Variants in WDR59 observed in about 807,000 individuals in gnomAD.
WDR59 encodes the protein WD repeat domain 59, also known as GATOR2 complex protein WDR59.
Under a neutral mutation model 131.2 loss-of-function variants are expected in WDR59, and 100 were observed. The observed-to-expected ratio is 0.76, with a 90% CI of 0.65 to 0.90. WDR59 has a LOEUF of 0.90. WDR59 is among the 40% of genes least tolerant of loss of function. The pLI, the probability that WDR59 is intolerant of heterozygous loss-of-function variation, is 0.00. For synonymous variants in WDR59, 601 were observed against 466.2 expected (o/e 1.29, Z -3.72); for missense variants, 1,203 against 1,262.2 (o/e 0.95, Z 0.71).
rs1315932699 is a variant in WDR59 at position 74,973,561 on chromosome 16, AC to A, written c.55-7740del. On this transcript the variant is annotated intron_variant, in intron 1 of 25. Coordinates refer to ENST00000262144, the MANE Select transcript of WDR59 (RefSeq NM_030581.4). ...CCTGGCCTCTCAAAGTGCTAAGATTACAAGGCGTGAGCCACCATGCTTGGCC... is the reference window on the plus strand; with the variant it reads ...CCTGGCCTCTCAAAGTGCTAAGATTAAAGGCGTGAGCCACCATGCTTGGCC... Among the ~76,000 whole-genome samples the A allele has an allele frequency of 4.0e-5, 4 of 99,680 alleles. No individual in the cohort carries two copies. The East Asian group carries it at 1.9e-3, about 48-fold the overall frequency. 65.4% of individuals were successfully genotyped at this position (99,680 alleles called of 152,430 possible).
intron 1 of WDR59, among the ~76,000 whole-genome samples, chr16:74,974,755 G>T (rs117366998): frequency 6.6e-6 from 1 of 152,134 alleles, no homozygotes; most frequent in Non-Finnish European, 1.5e-5. Flanking sequence ...GCCCTAAATA[G>T]AAATTGTGGG....
At chr16:74,983,810 T>C (rs977842831) in intron 1 of WDR59, among the ~76,000 whole-genome samples, 1 of 151,634 alleles carries the variant, frequency 6.6e-6, no homozygotes, top group Non-Finnish European at 1.5e-5. Context: ...ACCCCGTCTC[T>C]ACAAAAAAAA....
chr16:74,949,193 T>C (rs2032835808), intron 5 of WDR59, among the ~76,000 whole-genome samples: 1 of 150,970 alleles, frequency 6.6e-6, no homozygotes, highest in Non-Finnish European at 1.5e-5. Flanking sequence ...TAGCTGGGCA[T>C]GGTGGCAAGT....
At chr16:74,955,944 C>A (rs1022514972) in intron 3 of WDR59, among the ~76,000 whole-genome samples, 3 of 151,914 alleles carry the variant, frequency 2.0e-5, no homozygotes, top group Non-Finnish European at 4.4e-5. Context: ...AAAACTTATA[C>A]ATGTTTTCCC....
At chr16:74,877,080 T>G (rs550610275) in intron 25 of WDR59, among the ~76,000 whole-genome samples, 2 of 152,256 alleles carry the variant, frequency 1.3e-5, no homozygotes, top group South Asian at 4.1e-4. Flanking sequence ...GTATTCAAGA[T>G]AATTGATGTG....
chr16:74,894,458 A>G (rs1052013494), intron 18 of WDR59, among the ~76,000 whole-genome samples: 1 of 152,160 alleles, frequency 6.6e-6, no homozygotes, highest in Non-Finnish European at 1.5e-5. Flanking sequence ...AGGCTTACCT[A>G]TGGGTGGCTA....
chr16:74,913,803 T>C (rs1345813848), intron 13 of WDR59, among the ~76,000 whole-genome samples: 5 of 152,184 alleles, frequency 3.3e-5, no homozygotes, highest in East Asian at 1.9e-4. Context: ...TGACTGCTCA[T>C]GGGTATGGGG....
intron 10 of WDR59, among the ~76,000 whole-genome samples, chr16:74,920,147 G>A (rs1436209489): frequency 6.6e-6 from 1 of 151,750 alleles, no homozygotes; most frequent in East Asian, 1.9e-4. Flanking sequence ...TGAGAAAGAA[G>A]TAAAATACAG....
intron 8 of WDR59, among the ~76,000 whole-genome samples, chr16:74,934,960 G>A (rs898669255): frequency 6.6e-6 from 1 of 152,142 alleles, no homozygotes; most frequent in African/African-American, 2.4e-5. Context: ...CGGGCATGGT[G>A]GCTCATGCCT....
chr16:74,966,069 T>C (rs2033763659), intron 1 of WDR59, among the ~76,000 whole-genome samples: 1 of 152,070 alleles, frequency 6.6e-6, no homozygotes, highest in Non-Finnish European at 1.5e-5. Flanking sequence ...CAACTCCTGG[T>C]CTCAAGTGAT....
At position 74,877,520 on chromosome 16, in the gene WDR59, T is replaced by C. The variant is rs139132234; in HGVS notation, c.2690-3076A>G. The stretch of plus-strand genomic sequence containing the variant: ...TCTAGGGTTCTTAATTATTTACTGC[T>C]CTGTTTATTTATTGATTGATTGATT... On this transcript the variant is annotated intron_variant, in intron 25 of 25. Transcript: ENST00000262144. 9.9e-3 allele frequency among the ~76,000 whole-genome samples: 1,505 copies of C among 152,184 alleles called. 35 individuals carry two copies. Among genetic ancestry groups the C allele is most frequent in the African/African-American group, 0.034 (1,409 of 41,444 alleles).
intron 1 of WDR59, among the ~76,000 whole-genome samples, chr16:74,972,301 T>C (rs2034013881): frequency 6.6e-6 from 1 of 152,176 alleles, no homozygotes; most frequent in Non-Finnish European, 1.5e-5. Flanking sequence ...ATGAAGGAAA[T>C]CAATTCCATG....
At chr16:74,970,888 T>A (rs11640480) in intron 1 of WDR59, among the ~76,000 whole-genome samples, 11,574 of 143,826 alleles carry the variant, frequency 0.08, 572 homozygotes, top group Middle Eastern at 0.17. Context: ...CCACACCTTT[T>A]AAAAAAAAAA....
rs530849613 is a variant in WDR59 at position 74,874,502 on chromosome 16, G to C, written c.2690-58C>G. 9 of 1,478,834 alleles carry C rather than the reference G, an allele frequency of 6.1e-6. No individual in the cohort carries two copies. The Admixed American group carries it at 1.5e-4, about 24-fold the overall frequency. The allele number at this position is 1,478,834 out of a possible 1,614,324, so 91.6% of individuals were successfully genotyped here. On this transcript the variant is annotated intron_variant, in intron 25 of 25. Transcript: ENST00000262144. The stretch of plus-strand genomic sequence containing the variant: ...GCAGCATGAGTTTAGTTCTGAAAAA[G>C]GAAACTGGGGCTTGCCAGGAAGAAG...
chr16:74,973,962 G>A (rs2034086556), intron 1 of WDR59, among the ~76,000 whole-genome samples: 1 of 152,106 alleles, frequency 6.6e-6, no homozygotes, highest in South Asian at 2.1e-4. Context: ...CTGAGGTCAA[G>A]AGTTCGAGAC....
rs144326577 is a variant in WDR59, at chr16:74,912,011, G to C, written c.1389+187C>G. Reference sequence around the variant, plus strand: ...AAGTCTATGACCCAAAAAAGGTTAAGAACCACTGCTCTGATGTTTTCTGCA... The same window carrying C: ...AAGTCTATGACCCAAAAAAGGTTAACAACCACTGCTCTGATGTTTTCTGCA... On this transcript the variant is annotated intron_variant, in intron 14 of 25. Coordinates refer to ENST00000262144, the MANE Select transcript of WDR59 (RefSeq NM_030581.4). The C allele has an allele frequency of 3.4e-4, 244 of 709,298 alleles. 1 individual carries two copies. The African/African-American group carries it at 4.1e-3, about 12-fold the overall frequency. 43.9% of individuals were successfully genotyped at this position (709,298 alleles called of 1,614,324 possible).
At position 74,886,443 on chromosome 16, in the gene WDR59, T is replaced by C. The variant is rs201885216; in HGVS notation, c.2420-47A>G. On this transcript the variant is annotated intron_variant, in intron 23 of 25. Transcript: ENST00000262144. ...GGGAAGATGGCAATCAGAGAAGGCA[T>C]GGAAAATATCTGAAGAGTCTCATAA... 65 of 1,601,880 alleles carry C rather than the reference T, an allele frequency of 4.1e-5. No individual in the cohort carries two copies. The East Asian group carries it at 1.3e-3, about 31-fold the overall frequency.
intron 1 of WDR59, among the ~76,000 whole-genome samples, chr16:74,977,076 A>G (rs1363969943): frequency 1.3e-5 from 2 of 152,100 alleles, no homozygotes; most frequent in African/African-American, 4.8e-5. Context: ...CTGTTCATCA[A>G]AAGACAGCAC....
intron 3 of WDR59, among the ~76,000 whole-genome samples, chr16:74,951,869 T>G (rs536710921): frequency 3.3e-5 from 5 of 152,146 alleles, no homozygotes; most frequent in African/African-American, 1.2e-4. Flanking sequence ...TCCCGGCCAC[T>G]AGAGGAACCT....
Sources: gnomAD v4.1 joint callset for allele counts (sites outside exome capture counted in the v4.1 genomes callset) on GRCh38, gnomAD v4.1.1 for gene constraint, MANE v1.5 for transcripts, NCBI Gene and HGNC (gene_info 2026-07-23, HGNC 2026-07-21) for gene names.